Variants in CDH26 observed in about 807,000 individuals in gnomAD.
CDH26 encodes the protein cadherin-like protein 26.
CDH26 carries 83 observed loss-of-function variants against 90.3 expected under a neutral mutation model. That is an observed-to-expected ratio of 0.92 (90% CI 0.77 to 1.10). The LOEUF (loss-of-function observed/expected upper bound fraction) is 1.10. Ranked by LOEUF, CDH26 falls within the 50% of genes least tolerant of loss-of-function variation. The pLI, the probability that CDH26 is intolerant of heterozygous loss-of-function variation, is 0.00. For missense variants in CDH26, 1,013 were observed against 1,037.6 expected (o/e 0.98, Z 0.33); for synonymous variants, 397 against 396.3 (o/e 1.00, Z -0.02).
At chr20:59,962,457 G>A (rs938131773) in intron 1 of CDH26, among the ~76,000 whole-genome samples, 7 of 152,108 alleles carry the variant, frequency 4.6e-5, no homozygotes, top group South Asian at 2.1e-4. Context: ...TTGCAGCTAC[G>A]TCACTCCAGT....
chr20:59,984,953 T>C (rs1252014723), intron 6 of CDH26, 48 bp from the exon 7 acceptor site: 16 of 1,596,464 alleles, frequency 1.0e-5, no homozygotes, highest in Non-Finnish European at 1.4e-5. Flanking sequence ...ATTAATATTT[T>C]CCTTTCCTGT....
At position 59,996,430 on chromosome 20, in the gene CDH26, T is replaced by C. The variant is rs545628413; in HGVS notation, c.1889-201T>C. On this transcript the variant is annotated intron_variant, in intron 12 of 17. Transcript: ENST00000348616. ...CAATATTACTGGCCAGATAGTATTA[T>C]TGATTAATTCAACAAACAGTTATGT... 6.0e-5 allele frequency: 95 copies of C among 1,576,112 alleles called. 1 individual carries two copies. The South Asian group carries it at 9.4e-4, about 16-fold the overall frequency.
intron 13 of CDH26, among the ~76,000 whole-genome samples, chr20:59,997,218 CTAGT>C (rs2061609479): frequency 6.6e-6 from 1 of 152,246 alleles, no homozygotes; most frequent in Non-Finnish European, 1.5e-5. Flanking sequence ...GTTAGGCTCA[CTAGT>C]TAAATGAGTC....
intron 10 of CDH26, among the ~76,000 whole-genome samples, 198 bp from the exon 11 acceptor site, chr20:59,994,052 T>G (rs1342980584): frequency 6.6e-6 from 1 of 152,164 alleles, no homozygotes; most frequent in Non-Finnish European, 1.5e-5. Flanking sequence ...AAGTGCTTTA[T>G]TAGCTTACCC....
intron 17 of CDH26, among the ~76,000 whole-genome samples, chr20:60,007,907 T>G (rs1279561896): frequency 6.6e-6 from 1 of 152,172 alleles, no homozygotes; most frequent in Non-Finnish European, 1.5e-5. Flanking sequence ...AGATTCTGAT[T>G]TTGGGTACAT....
intron 4 of CDH26, among the ~76,000 whole-genome samples, chr20:59,972,571 C>T (rs1384436304): frequency 1.3e-5 from 2 of 152,112 alleles, no homozygotes; most frequent in African/African-American, 2.4e-5. Flanking sequence ...GTGTTCTTTA[C>T]GATTTCATCA....
chr20:59,988,888 C>T lies in CDH26; in HGVS notation c.1024-16C>T, dbSNP rs1325757030. The T allele has an allele frequency of 6.2e-7, 1 of 1,611,084 alleles. No homozygotes were observed. The highest frequency in any genetic ancestry group is 2.2e-5 in the East Asian group (1 of 44,806). On this transcript the variant is annotated splice_polypyrimidine_tract_variant and intron_variant, in intron 8 of 17. Transcript: ENST00000348616. The stretch of plus-strand genomic sequence containing the variant: ...GAGCAGCAGGTGCTAATGAAATCCT[C>T]TCTCTGGGGTTCCAGCCTTTGGATT...
chr20:60,025,691 T>C (rs1012660037), intron 7 of CDH26, among the ~76,000 whole-genome samples: 8 of 152,176 alleles, frequency 5.3e-5, no homozygotes, highest in African/African-American at 1.9e-4. Flanking sequence ...ATACCTGTTT[T>C]AAATGTTTTT....
At chr20:60,007,206 T>C (rs2061766257) in intron 17 of CDH26, among the ~76,000 whole-genome samples, 1 of 152,132 alleles carries the variant, frequency 6.6e-6, no homozygotes, top group African/African-American at 2.4e-5. Context: ...TGCCATCACA[T>C]TGGGGTTAGG....
Position 59,958,449 on chromosome 20 carries a change from C to G in CDH26, c.-278C>G, listed in dbSNP as rs1035788470. ...GCCAGTCTTTTGTGTACGTGCAGGA[C>G]CATGGTGGCTTTAGTTTCTACCCCA... is the stretch of plus-strand genomic sequence containing the variant. On this transcript the variant is annotated 5_prime_UTR_variant, in exon 1 of 18. Coordinates refer to ENST00000348616, the MANE Select transcript of CDH26 (RefSeq NM_177980.4). The G allele has an allele frequency of 9.6e-6, 4 of 417,948 alleles. No homozygotes were observed. The highest frequency in any genetic ancestry group is 6.1e-5 in the African/African-American group (3 of 48,878). The allele number at this position is 417,948 out of a possible 1,614,324, so 25.9% of individuals were successfully genotyped here.
intron 11 of CDH26, 64 bp from the exon 12 acceptor site, chr20:59,995,769 C>T (rs8122451): frequency 0.023 from 32,725 of 1,447,444 alleles, 1,333 homozygotes; most frequent in African/African-American, 0.16. Flanking sequence ...GTTCAGTAAG[C>T]GTGTGTTGAG....
At chr20:60,019,053 C>G (rs2061931725), downstream of CDH26, among the ~76,000 whole-genome samples, 1 of 152,086 alleles carries the variant, frequency 6.6e-6, no homozygotes, top group East Asian at 1.9e-4. Context: ...TCTCTCCTGG[C>G]TTGTAAGGTT....
At chr20:60,003,743 T>A (rs996899691) in intron 16 of CDH26, among the ~76,000 whole-genome samples, 4 of 152,210 alleles carry the variant, frequency 2.6e-5, no homozygotes, top group African/African-American at 9.7e-5. Flanking sequence ...AAAATAAATT[T>A]CAAATACTCT....
intron 2 of CDH26, among the ~76,000 whole-genome samples, chr20:59,969,477 A>C (rs2061223262): frequency 6.6e-6 from 1 of 152,220 alleles, no homozygotes; most frequent in Non-Finnish European, 1.5e-5. Context: ...TTTGTTGATA[A>C]AATTAATGTG....
chr20:59,958,883 G>A, intron 1 of CDH26, 88 bp downstream of exon 1: 1 of 1,370,554 alleles, frequency 7.3e-7, no homozygotes, highest in Non-Finnish European at 1.0e-6. Context: ...CTAAGGGAGG[G>A]GAGAGGGACT....
Position 60,006,693 on chromosome 20 carries a change from C to T in CDH26, c.2221-20C>T, listed in dbSNP as rs770007641. ...ACAAGGGCTCTGCTGTGGTATGAAG[C>T]TCTACTGGTTTGCTTGCAGGCTTAC... is the stretch of plus-strand genomic sequence containing the variant. On this transcript the variant is annotated intron_variant, in intron 16 of 17. Transcript: ENST00000348616. 5.0e-6 allele frequency: 8 copies of T among 1,600,690 alleles called. No homozygotes were observed. The highest frequency in any genetic ancestry group is 5.1e-6 in the Non-Finnish European group (6 of 1,167,848).
At position 60,001,915 on chromosome 20, in the gene CDH26, T is replaced by C. The variant is rs1378301821; in HGVS notation, c.2166+504T>C. Among the ~76,000 whole-genome samples, 5 of 152,244 alleles carry C rather than the reference T, an allele frequency of 3.3e-5. No individual in the cohort carries two copies. In the South Asian group the frequency reaches 1.0e-3, roughly 31 times the overall value. ...CTAAATAGAAGTTGCAAAAATAGTTTGGAGAGTTCTTGGGGGTCCCCCAAA... is the reference window on the plus strand; with the variant it reads ...CTAAATAGAAGTTGCAAAAATAGTTCGGAGAGTTCTTGGGGGTCCCCCAAA... On this transcript the variant is annotated intron_variant, in intron 15 of 17. Coordinates refer to ENST00000348616, the MANE Select transcript of CDH26 (RefSeq NM_177980.4).
At chr20:60,014,765 G>T (rs957690068), downstream of CDH26, among the ~76,000 whole-genome samples, 2 of 152,172 alleles carry the variant, frequency 1.3e-5, no homozygotes, top group African/African-American at 4.8e-5. Context: ...TAAACATGAG[G>T]TGCAGATGTC....
chr20:59,967,526 T>C (rs911125014), intron 1 of CDH26, among the ~76,000 whole-genome samples: 6 of 152,224 alleles, frequency 3.9e-5, no homozygotes, highest in Non-Finnish European at 8.8e-5. Flanking sequence ...TTTGTTTTGG[T>C]ATAAAACTTA....
Sources: gnomAD v4.1 joint callset for allele counts (sites outside exome capture counted in the v4.1 genomes callset) on GRCh38, gnomAD v4.1.1 for gene constraint, MANE v1.5 for transcripts, NCBI Gene and HGNC (gene_info 2026-07-23, HGNC 2026-07-21) for gene names.